UBN2: variants seen among roughly 807,000 people sequenced by gnomAD.
UBN2 encodes ubinuclein-2.
In UBN2, 35 loss-of-function variants were observed where a neutral mutation model predicts 120.2. That is an observed-to-expected ratio of 0.29 (90% CI 0.22 to 0.39). The LOEUF (loss-of-function observed/expected upper bound fraction) is 0.39. UBN2 is among the 10% of genes least tolerant of loss of function. The probability of loss-of-function intolerance (pLI) is 1.00; values close to 1 mark genes in which losing one functional copy is unlikely to be tolerated. For missense variants in UBN2, 1,693 were observed against 1,663.2 expected (o/e 1.02, Z -0.31); for synonymous variants, 661 against 648.7 (o/e 1.02, Z -0.29).
chr7:139,263,877 C>G (rs1797013151), intron 6 of UBN2, among the ~76,000 whole-genome samples: 1 of 151,884 alleles, frequency 6.6e-6, no homozygotes, highest in East Asian at 1.9e-4. Flanking sequence ...ATAACTAAAT[C>G]TAATTTTCTA....
At chr7:139,271,336 G>A (rs1426046587) in intron 8 of UBN2, among the ~76,000 whole-genome samples, 1 of 151,830 alleles carries the variant, frequency 6.6e-6, no homozygotes, top group Admixed American at 6.6e-5. Flanking sequence ...CCTGTAATCC[G>A]AGCACTTTGG....
At chr7:139,255,529 T>C (rs566550540) in intron 3 of UBN2, among the ~76,000 whole-genome samples, 43 of 152,326 alleles carry the variant, frequency 2.8e-4, no homozygotes, top group African/African-American at 1.0e-3. Context: ...AACTAGTTTC[T>C]GAACAAGGTA....
At chr7:139,319,175 C>T in the UBN2 span, among the ~76,000 whole-genome samples, 7 of 152,242 alleles carry the variant, frequency 4.6e-5, no homozygotes, top group African/African-American at 2.4e-5. Flanking sequence ...TCTTGCCTCC[C>T]GGGTTCAAGC....
In UBN2 at chr7:139,246,840, T is replaced by C. The variant is rs190099377; in HGVS notation, c.562-5116T>C. ...TCATGTCTTCTGCGTCTGGGTACTT[T>C]GACTTAGCATAGTACTTTTGAAATT... On this transcript the variant is annotated intron_variant, in intron 2 of 17. Transcript: ENST00000473989. 6.6e-5 allele frequency among the ~76,000 whole-genome samples: 10 copies of C among 152,314 alleles called. No homozygotes were observed. The East Asian group carries it at 1.5e-3, about 24-fold the overall frequency.
chr7:139,286,781 G>A (rs550019538), intron 15 of UBN2, among the ~76,000 whole-genome samples: 1 of 152,312 alleles, frequency 6.6e-6, no homozygotes, highest in East Asian at 1.9e-4. Flanking sequence ...ATGTGGAACA[G>A]GAACATGTAA....
At chr7:139,280,559 T>C (rs183392153) in intron 13 of UBN2, among the ~76,000 whole-genome samples, 45 of 152,322 alleles carry the variant, frequency 3.0e-4, no homozygotes, top group African/African-American at 9.4e-4. Flanking sequence ...TGTGGCCAGA[T>C]GGTCATTATA....
rs553547152 is a variant in UBN2 at position 139,253,971 on chromosome 7, T to C, written c.663+1914T>C. On this transcript the variant is annotated intron_variant, in intron 3 of 17. Transcript: ENST00000473989. ...AGTAAGGACTTCAACATGAGGCACA[T>C]TGGATATTCTGTCAAACTCCTAAGT... 1.3e-4 allele frequency among the ~76,000 whole-genome samples: 20 copies of C among 152,286 alleles called. No homozygotes were observed. The South Asian group carries it at 3.7e-3, about 28-fold the overall frequency.
In UBN2 at chr7:139,307,986, AC is replaced by A. The variant is rs1029572035; in HGVS notation, c.*10155del. ...TATGGACCTGTGAATTTAGTAAATT[AC>A]CCCCATGAATATACTCCTTCAGTGC... On this transcript the variant is annotated 3_prime_UTR_variant, in exon 18 of 18. Coordinates refer to ENST00000473989, the MANE Select transcript of UBN2 (RefSeq NM_173569.4). The A allele has an allele frequency of 2.0e-5, 3 of 150,516 alleles. No individual in the cohort carries two copies. The highest frequency in any genetic ancestry group is 4.9e-5 in the African/African-American group (2 of 40,926). 9.3% of individuals were successfully genotyped at this position (150,516 alleles called of 1,614,324 possible). A position where few individuals can be genotyped will look rare whatever the true frequency, so the allele number is the denominator to read the frequency against.
At chr7:139,282,314 A>G (rs2131033160) in intron 14 of UBN2, among the ~76,000 whole-genome samples, 1 of 152,306 alleles carries the variant, frequency 6.6e-6, no homozygotes, top group East Asian at 1.9e-4. Context: ...TTATTTGAGA[A>G]ACAGACTCTA....
In UBN2 at chr7:139,303,055, T is replaced by C. The variant is rs191904183; in HGVS notation, c.*5219T>C. 2 of 152,340 alleles carry C rather than the reference T, an allele frequency of 1.3e-5. No homozygotes were observed. Among genetic ancestry groups the C allele is most frequent in the East Asian group, 1.9e-4 (1 of 5,190 alleles). The allele number at this position is 152,340 out of a possible 1,614,324, so 9.4% of individuals were successfully genotyped here. A position where few individuals can be genotyped will look rare whatever the true frequency, so the allele number is the denominator to read the frequency against. ...AACATGAAAAATGTATCATATTTTC[T>C]TCTGGAAAATGATTTTTGAAGAAAT... On this transcript the variant is annotated 3_prime_UTR_variant, in exon 18 of 18. Coordinates refer to ENST00000473989, the MANE Select transcript of UBN2 (RefSeq NM_173569.4).
the UBN2 span, chr7:139,315,538 G>A: frequency 6.6e-6 from 1 of 151,906 alleles, no homozygotes; most frequent in Non-Finnish European, 1.5e-5. Context: ...CCCATTCATC[G>A]GGTGATAGAC....
chr7:139,289,867 T>C (rs1343086857), intron 15 of UBN2, among the ~76,000 whole-genome samples: 1 of 151,984 alleles, frequency 6.6e-6, no homozygotes, highest in African/African-American at 2.4e-5. Flanking sequence ...TGCAGTAGAA[T>C]TATGATTAGA....
At chr7:139,329,276 C>G in the UBN2 span, among the ~76,000 whole-genome samples, 1 of 151,256 alleles carries the variant, frequency 6.6e-6, no homozygotes, top group Non-Finnish European at 1.5e-5. Context: ...AATTTGGACC[C>G]TGACAAGAAG....
At chr7:139,281,129 T>C (rs1244201300) in intron 13 of UBN2, among the ~76,000 whole-genome samples, 1 of 152,214 alleles carries the variant, frequency 6.6e-6, no homozygotes, top group Non-Finnish European at 1.5e-5. Context: ...TTCAAACATA[T>C]GATTAATAGA....
rs1268287263 is a variant in UBN2, at chr7:139,279,331, G to A, written c.2038G>A (p.Val680Met). 6.2e-7 allele frequency: 1 copy of A among 1,609,200 alleles called. No homozygotes were observed. Among genetic ancestry groups the A allele is most frequent in the Admixed American group, 1.7e-5 (1 of 58,854 alleles). ...HLTSAPAKKK[V>M]IPAPKPKVKE... ...TTTTTATCTTAGGGCAAAGAAAAAG[G>A]TGATTCCTGCACCTAAACCCAAAGT... The change falls in exon 13 of 18, where the codon GTG (valine) becomes ATG (methionine). Residue 680 changes from valine (V) to methionine (M), a missense_variant. Val to Met is a conservative substitution (Grantham distance 21). This residue lies in a region of UBN2 where 837 missense variants were observed against 817.6 expected (regional missense o/e 1.02). Transcript: ENST00000473989.
At chr7:139,253,983 T>C (rs17160830) in intron 3 of UBN2, among the ~76,000 whole-genome samples, 3,329 of 152,310 alleles carry the variant, frequency 0.022, 138 homozygotes, top group African/African-American at 0.075. Context: ...GGATATTCTG[T>C]CAAACTCCTA....
At chr7:139,329,039 C>G in the UBN2 span, among the ~76,000 whole-genome samples, 14 of 151,702 alleles carry the variant, frequency 9.2e-5, no homozygotes, top group African/African-American at 3.1e-4. Flanking sequence ...TGAGCCCAGG[C>G]ATTTGAGACC....
chr7:139,239,735 T>G (rs1474965391), intron 2 of UBN2, among the ~76,000 whole-genome samples: 1 of 151,992 alleles, frequency 6.6e-6, no homozygotes, highest in East Asian at 1.9e-4. Flanking sequence ...TTTTTTGTAT[T>G]TAGTAGAGAT....
In UBN2 at chr7:139,272,807, G is replaced by A. The variant is rs141778557; in HGVS notation, c.1715+367G>A. Among the ~76,000 whole-genome samples, 1,143 of 152,286 alleles carry A rather than the reference G, an allele frequency of 7.5e-3. 17 individuals carry two copies. Among genetic ancestry groups the A allele is most frequent in the African/African-American group, 0.026 (1,098 of 41,552 alleles). ...CTCCCAAAGTGCTGGGATTACAGGC[G>A]TGGGCCACTGCACCTGGACGTGCAT... On this transcript the variant is annotated intron_variant, in intron 9 of 17. Coordinates refer to ENST00000473989, the MANE Select transcript of UBN2 (RefSeq NM_173569.4).
Sources: gnomAD v4.1 joint callset for allele counts (sites outside exome capture counted in the v4.1 genomes callset) on GRCh38, gnomAD v4.1.1 for gene constraint, gnomAD v4.1.1 regional missense constraint, MANE v1.5 for transcripts, NCBI Gene and HGNC (gene_info 2026-07-23, HGNC 2026-07-21) for gene names.